Variants in AMZ1 observed in about 807,000 individuals in gnomAD.
AMZ1 encodes archaemetzincin-1.
AMZ1 carries 39 observed loss-of-function variants against 29.9 expected under a neutral mutation model. That is an observed-to-expected ratio of 1.30 (90% CI 1.01 to 1.70). The LOEUF (loss-of-function observed/expected upper bound fraction) is 1.70, where lower values mean the gene tolerates loss of function less well. Among genes scored for constraint, AMZ1 ranks in the 40% most tolerant of loss-of-function variants. AMZ1 has a pLI of 0.00. For synonymous variants in AMZ1, 458 were observed against 304.0 expected (o/e 1.51, Z -5.27); for missense variants, 1,041 against 680.6 (o/e 1.53, Z -5.89).
intron 1 of AMZ1, among the ~76,000 whole-genome samples, chr7:2,693,952 A>G (rs2115064563): frequency 6.6e-6 from 1 of 152,240 alleles, no homozygotes; most frequent in Non-Finnish European, 1.5e-5. Flanking sequence ...TGGAGCACCT[A>G]ACTCCATGGG....
At chr7:2,757,160 G>A (rs1263889803) in intron 4 of AMZ1, among the ~76,000 whole-genome samples, 1 of 128,148 alleles carries the variant, frequency 7.8e-6, no homozygotes, top group Non-Finnish European at 1.6e-5. Context: ...TTTTGAGACG[G>A]AGTCTTGCTC....
intron 1 of AMZ1, among the ~76,000 whole-genome samples, chr7:2,692,146 C>A (rs1481058913): frequency 1.3e-5 from 2 of 152,156 alleles, no homozygotes; most frequent in African/African-American, 4.8e-5. Flanking sequence ...GCTCCGAGGC[C>A]GGCTAAGTGC....
At chr7:2,739,906 C>G (rs1226357218) in intron 4 of AMZ1, among the ~76,000 whole-genome samples, 1 of 152,172 alleles carries the variant, frequency 6.6e-6, no homozygotes, top group Non-Finnish European at 1.5e-5. Context: ...CTCCTGACCT[C>G]CAGTGATCCG....
At chr7:2,720,447 A>T (rs1562382609), downstream of AMZ1, among the ~76,000 whole-genome samples, 2 of 152,182 alleles carry the variant, frequency 1.3e-5, no homozygotes. Flanking sequence ...TGTGTTGCCC[A>T]GGCTGGAGTC....
intron 1 of AMZ1, among the ~76,000 whole-genome samples, chr7:2,695,124 G>C (rs1787631607): frequency 6.6e-6 from 1 of 152,166 alleles, no homozygotes; most frequent in Admixed American, 6.6e-5. Context: ...CTCAGCCTCT[G>C]GCCCCGCTGC....
At chr7:2,681,968 AG>A (rs538635921) in intron 1 of AMZ1, among the ~76,000 whole-genome samples, 1 of 152,040 alleles carries the variant, frequency 6.6e-6, no homozygotes, top group Non-Finnish European at 1.5e-5. Context: ...ACAGCGGAGG[AG>A]GGGTCCTGGG....
At chr7:2,763,681 G>C (rs1791681773), upstream of AMZ1, among the ~76,000 whole-genome samples, 1 of 152,244 alleles carries the variant, frequency 6.6e-6, no homozygotes, top group Non-Finnish European at 1.5e-5. Context: ...TCCCTGGTAA[G>C]AATGAGAAAG....
chr7:2,691,730 C>CAAAA (rs55752807), intron 1 of AMZ1, among the ~76,000 whole-genome samples: 2,526 of 84,424 alleles, frequency 0.03, 202 homozygotes, highest in African/African-American at 0.13. Context: ...GGCTCCGTCT[C>CAAAA]AAAAAAAAAA....
chr7:2,742,168 T>G (rs1233554105), intron 4 of AMZ1, among the ~76,000 whole-genome samples: 1 of 151,710 alleles, frequency 6.6e-6, no homozygotes, highest in Non-Finnish European at 1.5e-5. Flanking sequence ...ATTACAGAGG[T>G]GCACCACCAT....
chr7:2,717,852 G>C lies in AMZ1; in HGVS notation c.*4974G>C, dbSNP rs1789219986. Among the ~76,000 whole-genome samples, 1 of 152,190 alleles carries C rather than the reference G, an allele frequency of 6.6e-6. No homozygotes were observed. Among genetic ancestry groups the C allele is most frequent in the Admixed American group, 6.5e-5 (1 of 15,282 alleles). ...AAATGAAAACAGGCTGATGTCAGGG[G>C]TTTATTTTAAAAAGCAATTTCCAAG... is the stretch of plus-strand genomic sequence containing the variant. On this transcript the variant is annotated 3_prime_UTR_variant, in exon 7 of 7. Coordinates refer to ENST00000683327, the MANE Select transcript of AMZ1 (RefSeq NM_001384743.1).
At chr7:2,756,833 C>T (rs1049668942) in intron 4 of AMZ1, among the ~76,000 whole-genome samples, 1 of 152,158 alleles carries the variant, frequency 6.6e-6, no homozygotes, top group Non-Finnish European at 1.5e-5. Context: ...TATGGTGGCT[C>T]ATGCCAAGGT....
upstream of AMZ1, among the ~76,000 whole-genome samples, chr7:2,763,866 G>T (rs554346908): frequency 4.5e-4 from 68 of 152,344 alleles, no homozygotes; most frequent in African/African-American, 1.6e-3. Flanking sequence ...CTGGCAGAGA[G>T]CGAGGGAGAC....
chr7:2,702,436 C>T lies in AMZ1; in HGVS notation c.305-286C>T, dbSNP rs1393867961. 3 of 430,830 alleles carry T rather than the reference C, an allele frequency of 7.0e-6. No individual in the cohort carries two copies. In the Admixed American group the frequency reaches 1.3e-4, roughly 19 times the overall value. The allele number at this position is 430,830 out of a possible 1,614,324, so 26.7% of individuals were successfully genotyped here. On this transcript the variant is annotated intron_variant, in intron 2 of 6. Transcript: ENST00000683327. ...TGCCTGGCGCTAACCCTAGAAGTCCCTGTCCCTGGTGAGTCCCTGCCTGCT... is the reference window on the plus strand; with the variant it reads ...TGCCTGGCGCTAACCCTAGAAGTCCTTGTCCCTGGTGAGTCCCTGCCTGCT...
At chr7:2,725,681 C>T (rs906103681) in intron 4 of AMZ1, among the ~76,000 whole-genome samples, 3 of 152,230 alleles carry the variant, frequency 2.0e-5, no homozygotes, top group African/African-American at 4.8e-5. Flanking sequence ...CAGTTACCCC[C>T]GAAAACCGTA....
At chr7:2,746,571 A>G (rs1790772711) in intron 4 of AMZ1, among the ~76,000 whole-genome samples, 1 of 151,942 alleles carries the variant, frequency 6.6e-6, no homozygotes, top group Non-Finnish European at 1.5e-5. Flanking sequence ...AAGCAGGAAA[A>G]ATCTAAAATT....
At chr7:2,684,944 A>G (rs1484755076), upstream of AMZ1, among the ~76,000 whole-genome samples, 3 of 142,398 alleles carry the variant, frequency 2.1e-5, no homozygotes, top group Non-Finnish European at 4.5e-5. Flanking sequence ...ATCTCAGCTC[A>G]CTGCAAGCTC....
At chr7:2,761,480 A>C (rs925786447), upstream of AMZ1, among the ~76,000 whole-genome samples, 1 of 152,174 alleles carries the variant, frequency 6.6e-6, no homozygotes, top group African/African-American at 2.4e-5. Context: ...GAAAACCAGA[A>C]ACTTTTTCCT....
chr7:2,689,218 G>A (rs1787235782), intron 1 of AMZ1, among the ~76,000 whole-genome samples: 1 of 152,228 alleles, frequency 6.6e-6, no homozygotes, highest in Non-Finnish European at 1.5e-5. Context: ...GAGAATCAGA[G>A]CATGGTTTCT....
rs1787973113 is a variant in AMZ1, at chr7:2,700,333, C to T, written c.-119C>T. ...GACCAGTGTCTGTCTGCAGGGAGCC[C>T]CCGGTAGCCACTCGGATCAGCCCGA... On this transcript the variant is annotated 5_prime_UTR_variant, in exon 2 of 7. Transcript: ENST00000683327. 1 of 1,216,404 alleles carries T rather than the reference C, an allele frequency of 8.2e-7. No individual in the cohort carries two copies. The highest frequency in any genetic ancestry group is 1.1e-6 in the Non-Finnish European group (1 of 888,160). 75.4% of individuals were successfully genotyped at this position (1,216,404 alleles called of 1,614,324 possible).
Sources: gnomAD v4.1 joint callset for allele counts (sites outside exome capture counted in the v4.1 genomes callset) on GRCh38, gnomAD v4.1.1 for gene constraint, MANE v1.5 for transcripts, NCBI Gene and HGNC (gene_info 2026-07-23, HGNC 2026-07-21) for gene names.